Variants in CD247 observed in about 807,000 individuals in gnomAD.
CD247 encodes the protein CD247 molecule.
A neutral mutation model predicts 30.0 loss-of-function variants in CD247; 13 were observed. The observed-to-expected ratio is 0.43, with a 90% CI of 0.28 to 0.69. CD247 has a LOEUF of 0.69. Among genes scored for constraint, CD247 ranks in the 30% least tolerant of loss-of-function variants. The pLI, the probability that CD247 is intolerant of heterozygous loss-of-function variation, is 0.16. For missense variants in CD247, 193 were observed against 212.6 expected (o/e 0.91, Z 0.57); for synonymous variants, 72 against 80.0 (o/e 0.90, Z 0.53).
At chr1:167,439,549 C>T (rs1363459413) in intron 2 of CD247, 149 bp from the exon 3 acceptor site, 1 of 703,498 alleles carries the variant, frequency 1.4e-6, no homozygotes, top group Non-Finnish European at 2.5e-6. Context: ...TGAGCCCTTG[C>T]AGGGGCCGGG....
chr1:167,491,434 G>T (rs1654446251), intron 1 of CD247, among the ~76,000 whole-genome samples: 1 of 152,180 alleles, frequency 6.6e-6, no homozygotes, highest in African/African-American at 2.4e-5. Flanking sequence ...CGGACATGGT[G>T]GCCCATGCCT....
intron 1 of CD247, among the ~76,000 whole-genome samples, chr1:167,483,828 G>A (rs1471548302): frequency 6.6e-6 from 1 of 152,200 alleles, no homozygotes; most frequent in Non-Finnish European, 1.5e-5. Flanking sequence ...TTGAACCCAG[G>A]GCATGCACTG....
intron 1 of CD247, among the ~76,000 whole-genome samples, chr1:167,449,902 G>A (rs889779090): frequency 1.3e-5 from 2 of 151,324 alleles, no homozygotes; most frequent in African/African-American, 4.9e-5. Context: ...CAGCCTGGGT[G>A]ACAAAGTGAG....
chr1:167,506,121 T>A (rs917179749), intron 1 of CD247, among the ~76,000 whole-genome samples: 5 of 152,210 alleles, frequency 3.3e-5, no homozygotes, highest in South Asian at 4.1e-4. Context: ...CTTGAAGGTA[T>A]CTATAATACT....
At chr1:167,478,226 C>T (rs952859565) in intron 1 of CD247, among the ~76,000 whole-genome samples, 2 of 152,202 alleles carry the variant, frequency 1.3e-5, no homozygotes, top group African/African-American at 4.8e-5. Flanking sequence ...GTCTCTCACA[C>T]ACAGATGGAG....
Position 167,431,149 on chromosome 1 carries a change from T to C in CD247, c.*532A>G. On this transcript the variant is annotated 3_prime_UTR_variant, in exon 8 of 8. Coordinates refer to ENST00000362089, the MANE Select transcript of CD247 (RefSeq NM_198053.3). ...GCCCCTGCAGCTCCCTGGTTGCACC[T>C]GGCCTAGGCTCCTTTCCATCTGCCC... 2.4e-6 allele frequency: 1 copy of C among 420,560 alleles called. No homozygotes were observed. The highest frequency in any genetic ancestry group is 4.2e-6 in the Non-Finnish European group (1 of 238,014). 26.1% of individuals were successfully genotyped at this position (420,560 alleles called of 1,614,324 possible). A position where few individuals can be genotyped will look rare whatever the true frequency, so the allele number is the denominator to read the frequency against.
rs182721855 is a variant in CD247, at chr1:167,454,224, A to G, written c.59-13457T>C. Among the ~76,000 whole-genome samples the G allele has an allele frequency of 7.9e-5, 12 of 152,308 alleles. No homozygotes were observed. The East Asian group carries it at 1.5e-3, about 20-fold the overall frequency. ...ACAAGAAAAAACACGTTAAAAATATATGTATATCTGGAGGGCCGCACACAC... is the reference window on the plus strand; with the variant it reads ...ACAAGAAAAAACACGTTAAAAATATGTGTATATCTGGAGGGCCGCACACAC... On this transcript the variant is annotated intron_variant, in intron 1 of 7. Coordinates refer to ENST00000362089, the MANE Select transcript of CD247 (RefSeq NM_198053.3).
chr1:167,488,566 T>A (rs1654310213), intron 1 of CD247, among the ~76,000 whole-genome samples: 1 of 152,196 alleles, frequency 6.6e-6, no homozygotes, highest in Non-Finnish European at 1.5e-5. Context: ...ATGAGGACCC[T>A]GATCAGACAC....
chr1:167,463,587 C>T (rs1467229044), intron 1 of CD247, among the ~76,000 whole-genome samples: 1 of 152,210 alleles, frequency 6.6e-6, no homozygotes, highest in Non-Finnish European at 1.5e-5. Context: ...CTTGATCCTA[C>T]ATTTCAGCCT....
chr1:167,487,357 T>G (rs371538236), intron 1 of CD247, among the ~76,000 whole-genome samples: 1 of 152,064 alleles, frequency 6.6e-6, no homozygotes, highest in Non-Finnish European at 1.5e-5. Context: ...GCCTGAGAGA[T>G]AGAGTGAGAT....
chr1:167,515,267 T>C (rs576275052), intron 1 of CD247, among the ~76,000 whole-genome samples: 2 of 152,352 alleles, frequency 1.3e-5, no homozygotes, highest in African/African-American at 4.8e-5. Flanking sequence ...AAGTTTGCAT[T>C]TAGATACTCA....
chr1:167,434,258 A>C (rs1651419210), intron 5 of CD247, 182 bp from the exon 6 acceptor site: 16 of 657,958 alleles, frequency 2.4e-5, no homozygotes, highest in South Asian at 2.4e-4. Flanking sequence ...GCTCCAGCCC[A>C]CCCCCCTCAT....
At chr1:167,474,897 C>A (rs900297538) in intron 1 of CD247, among the ~76,000 whole-genome samples, 8 of 151,352 alleles carry the variant, frequency 5.3e-5, no homozygotes, top group Non-Finnish European at 8.8e-5. Flanking sequence ...GGATTACAGG[C>A]GCCCACCACC....
rs535519242 is a variant in CD247 at position 167,496,137 on chromosome 1, G to T, written c.58+22271C>A. Among the ~76,000 whole-genome samples the T allele has an allele frequency of 8.2e-4, 125 of 152,300 alleles. 1 individual carries two copies. Among genetic ancestry groups the T allele is most frequent in the Middle Eastern group, 6.8e-3 (2 of 294 alleles). Reference sequence around the variant, plus strand: ...ATAAATATTGGTTGAATAAATAAATGAATGAATAGCATTAGTAGTGGTGTT... The same window carrying T: ...ATAAATATTGGTTGAATAAATAAATTAATGAATAGCATTAGTAGTGGTGTT... On this transcript the variant is annotated intron_variant, in intron 1 of 7. Transcript: ENST00000362089.
intron 1 of CD247, among the ~76,000 whole-genome samples, chr1:167,500,745 G>A (rs529324791): frequency 3.3e-5 from 5 of 152,270 alleles, no homozygotes; most frequent in East Asian, 1.9e-4. Context: ...TGCTTTTATC[G>A]CTCAGGCAGC....
At chr1:167,517,670 T>C (rs983602798) in intron 1 of CD247, among the ~76,000 whole-genome samples, 1 of 152,184 alleles carries the variant, frequency 6.6e-6, no homozygotes, top group Admixed American at 6.5e-5. Context: ...TGCCGGGCCC[T>C]CTGGCTGGGC....
chr1:167,449,702 C>A (rs1445842729), intron 1 of CD247, among the ~76,000 whole-genome samples: 1 of 151,970 alleles, frequency 6.6e-6, no homozygotes, highest in African/African-American at 2.4e-5. Context: ...GTGGGCAGAT[C>A]GCCTGAGGTC....
chr1:167,500,154 C>A (rs1654846550), intron 1 of CD247, among the ~76,000 whole-genome samples: 1 of 152,146 alleles, frequency 6.6e-6, no homozygotes, highest in Non-Finnish European at 1.5e-5. Context: ...TTACTCATGA[C>A]CTAAATGAGA....
intron 1 of CD247, among the ~76,000 whole-genome samples, chr1:167,444,347 C>T (rs897325723): frequency 6.6e-6 from 1 of 152,250 alleles, no homozygotes; most frequent in Non-Finnish European, 1.5e-5. Context: ...GGCTTCTTCC[C>T]TGTGCGCGCT....
Sources: gnomAD v4.1 joint callset for allele counts (sites outside exome capture counted in the v4.1 genomes callset) on GRCh38, gnomAD v4.1.1 for gene constraint, MANE v1.5 for transcripts, NCBI Gene and HGNC (gene_info 2026-07-23, HGNC 2026-07-21) for gene names.